Variants in NRXN1 observed in about 807,000 individuals in gnomAD.
The protein encoded by NRXN1 is neurexin 1.
Under a neutral mutation model 150.9 loss-of-function variants are expected in NRXN1, and 39 were observed. The ratio of observed to expected loss-of-function variants is 0.26; its 90% CI spans 0.20 to 0.34. The LOEUF (loss-of-function observed/expected upper bound fraction) is 0.34. Ranked by LOEUF, NRXN1 falls within the 10% of genes least tolerant of loss-of-function variation. NRXN1 has a pLI of 1.00. For missense variants in NRXN1, 1,815 were observed against 1,949.9 expected (o/e 0.93, Z 1.30); for synonymous variants, 924 against 757.0 (o/e 1.22, Z -3.62).
At chr2:50,243,488 A>G (rs1559158194) in intron 17 of NRXN1, among the ~76,000 whole-genome samples, 1 of 151,808 alleles carries the variant, frequency 6.6e-6, no homozygotes, top group Non-Finnish European at 1.5e-5. Flanking sequence ...GTCAAATGCA[A>G]ACTGAGCAAG....
At chr2:50,222,438 T>C (rs1466245245) in intron 18 of NRXN1, among the ~76,000 whole-genome samples, 3 of 152,032 alleles carry the variant, frequency 2.0e-5, no homozygotes, top group Non-Finnish European at 4.4e-5. Flanking sequence ...GTTTGTGATA[T>C]CTTCATACAC....
intron 8 of NRXN1, among the ~76,000 whole-genome samples, chr2:50,612,510 A>G (rs922981471): frequency 4.6e-5 from 7 of 152,314 alleles, no homozygotes; most frequent in African/African-American, 1.7e-4. Context: ...CCCCAGGCAC[A>G]TGCCTCTTGG....
chr2:50,126,550 G>A (rs952692753), intron 18 of NRXN1, among the ~76,000 whole-genome samples: 5 of 152,020 alleles, frequency 3.3e-5, no homozygotes, highest in Admixed American at 3.3e-4. Context: ...AATAGGAGGT[G>A]AATAATTTTC....
intron 18 of NRXN1, among the ~76,000 whole-genome samples, chr2:50,215,812 T>C (rs886534223): frequency 2.0e-5 from 3 of 152,104 alleles, no homozygotes; most frequent in African/African-American, 7.2e-5. Context: ...TTTTATCCAT[T>C]CTTCAGCTCA....
chr2:50,497,525 C>A lies in NRXN1; in HGVS notation c.2687G>T (p.Arg896Ile), dbSNP rs267599406. The change falls in exon 14 of 23, where the codon AGA becomes ATA. Residue 896 changes from arginine to isoleucine, a missense_variant. Coordinates refer to ENST00000401669, the MANE Select transcript of NRXN1 (RefSeq NM_001330078.2). ...TGCTATGATGTTCCTGAAGCCAAAT[C>A]TGGCATTAAGCTCACAGTAATCTAT... ...GDIDYCELNA[R>I]FGFRNIIADP... The A allele has an allele frequency of 2.5e-6, 4 of 1,613,902 alleles. No homozygotes were observed. The East Asian group carries it at 6.7e-5, about 27-fold the overall frequency.
intron 18 of NRXN1, among the ~76,000 whole-genome samples, chr2:50,099,832 G>C (rs900158450): frequency 1.3e-5 from 2 of 152,122 alleles, no homozygotes; most frequent in African/African-American, 4.8e-5. Flanking sequence ...CTTGGATCAA[G>C]AGAGGATATT....
At chr2:50,941,485 T>A (rs1253736323) in intron 2 of NRXN1, among the ~76,000 whole-genome samples, 1 of 152,102 alleles carries the variant, frequency 6.6e-6, no homozygotes, top group Non-Finnish European at 1.5e-5. Flanking sequence ...AACAATGAAG[T>A]CCAGGCTGAG....
At chr2:50,857,505 C>A (rs566802987) in intron 5 of NRXN1, among the ~76,000 whole-genome samples, 52 of 152,152 alleles carry the variant, frequency 3.4e-4, no homozygotes, top group African/African-American at 1.0e-3. Flanking sequence ...GAAGTGAATT[C>A]TCTTTGGAGA....
chr2:50,728,741 C>G (rs1697713247), intron 5 of NRXN1, among the ~76,000 whole-genome samples: 1 of 152,130 alleles, frequency 6.6e-6, no homozygotes, highest in African/African-American at 2.4e-5. Flanking sequence ...GAGGGCAACA[C>G]TGATTACCCA....
At chr2:50,164,682 T>C (rs1574265878) in intron 18 of NRXN1, among the ~76,000 whole-genome samples, 1 of 152,264 alleles carries the variant, frequency 6.6e-6, no homozygotes, top group East Asian at 1.9e-4. Context: ...CTATGATCAA[T>C]AGCAACCCCC....
intron 5 of NRXN1, among the ~76,000 whole-genome samples, chr2:50,722,585 C>CT (rs1461775521): frequency 1.3e-5 from 2 of 152,054 alleles, no homozygotes; most frequent in African/African-American, 4.8e-5. Flanking sequence ...AGTGAGAACA[C>CT]TTTAGCAAAT....
At chr2:50,002,628 G>C (rs1269152559) in intron 21 of NRXN1, among the ~76,000 whole-genome samples, 1 of 152,088 alleles carries the variant, frequency 6.6e-6, no homozygotes, top group Non-Finnish European at 1.5e-5. Flanking sequence ...AGGTTTTGCT[G>C]ACAAAACTAA....
chr2:50,483,656 G>A (rs2090646121), intron 15 of NRXN1, among the ~76,000 whole-genome samples: 1 of 152,102 alleles, frequency 6.6e-6, no homozygotes, highest in Non-Finnish European at 1.5e-5. Flanking sequence ...CCTGCCCAGG[G>A]TAATACAAGC....
chr2:50,226,136 T>A (rs72891924), intron 18 of NRXN1, among the ~76,000 whole-genome samples: 28,118 of 151,932 alleles, frequency 0.19, 2,939 homozygotes, highest in East Asian at 0.39. Flanking sequence ...TGCAGCTCAC[T>A]AGTTGTGTGA....
chr2:50,565,368 T>C (rs574324659), intron 8 of NRXN1, among the ~76,000 whole-genome samples: 1 of 152,186 alleles, frequency 6.6e-6, no homozygotes, highest in South Asian at 2.1e-4. Flanking sequence ...AAAGATATAA[T>C]CGGTTTATTC....
At chr2:50,944,109 T>C (rs1689931203) in intron 2 of NRXN1, among the ~76,000 whole-genome samples, 1 of 152,112 alleles carries the variant, frequency 6.6e-6, no homozygotes, top group Non-Finnish European at 1.5e-5. Flanking sequence ...TTTAGAATTG[T>C]TTTTTCACTT....
intron 17 of NRXN1, among the ~76,000 whole-genome samples, chr2:50,320,283 C>CTTATATATATACATAT (rs1178411507): frequency 2.3e-5 from 1 of 43,054 alleles, no homozygotes; most frequent in African/African-American, 5.9e-5. Context: ...ATACCTCAAT[C>CTTATATATATACATAT]ATATATATAT....
At chr2:50,874,527 G>T (rs868861783) in intron 5 of NRXN1, among the ~76,000 whole-genome samples, 20 of 151,596 alleles carry the variant, frequency 1.3e-4, no homozygotes, top group Admixed American at 5.9e-4. Flanking sequence ...TTAGCATCAC[G>T]TTTTGAGAAT....
At chr2:50,409,338 T>C (rs886071916) in intron 17 of NRXN1, among the ~76,000 whole-genome samples, 3 of 152,214 alleles carry the variant, frequency 2.0e-5, no homozygotes, top group South Asian at 4.1e-4. Context: ...TATGACATCC[T>C]AAGTATAAAG....
Sources: allele counts gnomAD v4.1 joint callset (sites outside exome capture counted in the v4.1 genomes callset), GRCh38; gene constraint gnomAD v4.1.1; transcripts MANE v1.5; gene names NCBI Gene and HGNC (gene_info 2026-07-23, HGNC 2026-07-21).